CSMD1: variants seen among roughly 807,000 people sequenced by gnomAD.
CSMD1 encodes the protein CUB and Sushi multiple domains 1.
A neutral mutation model predicts 417.5 loss-of-function variants in CSMD1; 213 were observed. The ratio of observed to expected loss-of-function variants is 0.51; its 90% confidence interval spans 0.46 to 0.57. The LOEUF (loss-of-function observed/expected upper bound fraction) is 0.57. Among genes scored for constraint, CSMD1 ranks in the 20% least tolerant of loss-of-function variants. CSMD1 has a pLI of 0.00. For missense variants in CSMD1, 6,923 were observed against 4,529.7 expected (o/e 1.53, Z -15.17); for synonymous variants, 2,862 against 1,736.8 (o/e 1.65, Z -16.11).
At chr8:4,041,161 C>A (rs1322225108) in intron 3 of CSMD1, among the ~76,000 whole-genome samples, 3 of 151,566 alleles carry the variant, frequency 2.0e-5, no homozygotes, top group Non-Finnish European at 4.4e-5. Flanking sequence ...GGACTACAGG[C>A]GCCCGCCACC....
chr8:4,129,348 C>G (rs1429881705), intron 3 of CSMD1, among the ~76,000 whole-genome samples: 2 of 152,058 alleles, frequency 1.3e-5, no homozygotes, highest in South Asian at 4.1e-4. Flanking sequence ...TTTGAACCTT[C>G]TTGAATGCAT....
chr8:4,424,104 T>C (rs890678145), intron 2 of CSMD1, among the ~76,000 whole-genome samples: 11 of 151,802 alleles, frequency 7.2e-5, no homozygotes, highest in East Asian at 3.9e-4. Context: ...AGGAAAAAAA[T>C]AGGGGAAAGG....
intron 1 of CSMD1, among the ~76,000 whole-genome samples, chr8:4,672,983 G>A (rs913937757): frequency 1.3e-5 from 2 of 151,664 alleles, no homozygotes; most frequent in African/African-American, 4.8e-5. Context: ...TTTCCATAGT[G>A]GCATACACAT....
intron 1 of CSMD1, among the ~76,000 whole-genome samples, chr8:4,965,956 A>G (rs997663360): frequency 2.0e-5 from 3 of 152,202 alleles, no homozygotes; most frequent in Admixed American, 1.3e-4. Context: ...ATGTGTGAGC[A>G]TAACTCAAGT....
intron 3 of CSMD1, among the ~76,000 whole-genome samples, chr8:4,093,844 C>A (rs1417655615): frequency 1.3e-5 from 2 of 151,920 alleles, no homozygotes; most frequent in African/African-American, 4.8e-5. Flanking sequence ...GCCTGTAATC[C>A]CAGCAATCGG....
chr8:3,213,039 A>G (rs774514733), intron 30 of CSMD1, among the ~76,000 whole-genome samples: 1 of 151,558 alleles, frequency 6.6e-6, no homozygotes, highest in Non-Finnish European at 1.5e-5. Flanking sequence ...CATGTTAGCC[A>G]TGGTCTCGAA....
intron 21 of CSMD1, among the ~76,000 whole-genome samples, chr8:3,357,958 C>T (rs1808902398): frequency 6.6e-6 from 1 of 152,090 alleles, no homozygotes; most frequent in Admixed American, 6.6e-5. Flanking sequence ...GAAATTCTGA[C>T]TGTGTATCTC....
intron 3 of CSMD1, among the ~76,000 whole-genome samples, chr8:4,103,142 A>C (rs1208224811): frequency 3.3e-5 from 5 of 152,170 alleles, no homozygotes; most frequent in African/African-American, 4.8e-5. Context: ...GTTATTTTGC[A>C]AAGTAGCCAC....
chr8:4,777,573 C>T (rs1366611583), intron 1 of CSMD1, among the ~76,000 whole-genome samples: 1 of 152,186 alleles, frequency 6.6e-6, no homozygotes, highest in East Asian at 1.9e-4. Flanking sequence ...TCCTTATCAG[C>T]TAATCCTACA....
chr8:4,416,843 T>C (rs1796969107), intron 3 of CSMD1, among the ~76,000 whole-genome samples: 1 of 152,060 alleles, frequency 6.6e-6, no homozygotes, highest in African/African-American at 2.4e-5. Flanking sequence ...GAGATTTTGA[T>C]AAAAGAAGAA....
intron 4 of CSMD1, among the ~76,000 whole-genome samples, chr8:4,004,603 T>A (rs1037466327): frequency 6.6e-6 from 1 of 152,200 alleles, no homozygotes; most frequent in Non-Finnish European, 1.5e-5. Context: ...TTTCCTTCTT[T>A]CCTTCATTTT....
chr8:3,269,186 C>A (rs1351741514), intron 26 of CSMD1, among the ~76,000 whole-genome samples: 2 of 152,212 alleles, frequency 1.3e-5, no homozygotes, highest in Admixed American at 6.5e-5. Flanking sequence ...GACCAGGTGT[C>A]CACGGGACGG....
At chr8:3,709,547 A>T (rs975898533) in intron 6 of CSMD1, among the ~76,000 whole-genome samples, 14 of 152,156 alleles carry the variant, frequency 9.2e-5, no homozygotes, top group Admixed American at 1.3e-4. Flanking sequence ...CTGACTCAGG[A>T]AAGAAGATGG....
chr8:4,648,021 C>T (rs930699005), intron 1 of CSMD1, among the ~76,000 whole-genome samples: 2 of 152,184 alleles, frequency 1.3e-5, no homozygotes, highest in African/African-American at 2.4e-5. Flanking sequence ...AACTAATTTC[C>T]ATTCCCACCA....
chr8:3,764,690 C>T (rs374128571), intron 5 of CSMD1, among the ~76,000 whole-genome samples: 4 of 151,650 alleles, frequency 2.6e-5, no homozygotes, highest in African/African-American at 9.7e-5. Flanking sequence ...GCAGTAATCA[C>T]CTGAAAATTC....
At chr8:3,228,468 C>A (rs1240293996) in intron 27 of CSMD1, among the ~76,000 whole-genome samples, 2 of 152,058 alleles carry the variant, frequency 1.3e-5, no homozygotes, top group Non-Finnish European at 2.9e-5. Flanking sequence ...GTCTGGTTGC[C>A]AAAATAATTG....
intron 46 of CSMD1, among the ~76,000 whole-genome samples, chr8:3,097,817 C>A (rs919523132): frequency 2.6e-5 from 4 of 152,132 alleles, no homozygotes; most frequent in African/African-American, 9.7e-5. Context: ...GATGTGATTG[C>A]TCGGGACCCT....
At chr8:3,327,991 T>C (rs1431618639) in intron 23 of CSMD1, among the ~76,000 whole-genome samples, 1 of 152,128 alleles carries the variant, frequency 6.6e-6, no homozygotes, top group African/African-American at 2.4e-5. Context: ...AATTGGGGCA[T>C]CTCCAGCATT....
chr8:3,672,720 T>C (rs1054153167), intron 7 of CSMD1, among the ~76,000 whole-genome samples: 1 of 152,152 alleles, frequency 6.6e-6, no homozygotes, highest in Non-Finnish European at 1.5e-5. Context: ...TGGTTTGAAA[T>C]TGGCCATGGT....
Sources: allele counts gnomAD v4.1 joint callset (sites outside exome capture counted in the v4.1 genomes callset), GRCh38; gene constraint gnomAD v4.1.1; transcripts MANE v1.5; gene names NCBI Gene and HGNC (gene_info 2026-07-23, HGNC 2026-07-21).